Variants in ULK1 observed in about 807,000 individuals in gnomAD.
The protein encoded by ULK1 is serine/threonine-protein kinase ULK1.
ULK1 carries 48 observed loss-of-function variants against 117.5 expected under a neutral mutation model. The observed-to-expected ratio is 0.41, with a 90% CI of 0.32 to 0.52. ULK1 has a LOEUF of 0.52. Among genes scored for constraint, ULK1 ranks in the 20% least tolerant of loss-of-function variants. The pLI is 0.29. For synonymous variants in ULK1, 790 were observed against 637.8 expected, an observed-to-expected ratio of 1.24 and a Z score of -3.60; for missense variants, 1,387 against 1,473.4, an observed-to-expected ratio of 0.94 and a Z score of 0.96.
chr12:131,917,118 T>TGGGGCTCGGAGGCTGTGGGAC lies in ULK1; in HGVS notation c.2182+60_2182+61insCTCGGAGGCTGTGGGACGGGG, dbSNP rs1566126422. On this transcript the variant is annotated intron_variant, in intron 21 of 27. Coordinates refer to ENST00000321867, the MANE Select transcript of ULK1 (RefSeq NM_003565.4). ...GGGATGGGGGTCGGAGGCTGTGGGATGGGGGTCGGAGGCTGTGGGATGGGG... is the reference window on the plus strand; with the variant it reads ...GGGATGGGGGTCGGAGGCTGTGGGATGGGGCTCGGAGGCTGTGGGACGGGGGTCGGAGGCTGTGGGATGGGG... 161 of 268,212 alleles carry TGGGGCTCGGAGGCTGTGGGAC rather than the reference T, an allele frequency of 6.0e-4. 1 individual carries two copies. The highest frequency in any genetic ancestry group is 1.6e-3 in the South Asian group (25 of 15,646). The allele number at this position is 268,212 out of a possible 1,614,324, so 16.6% of individuals were successfully genotyped here.
Position 131,916,548 on chromosome 12 carries a change from C to T in ULK1, c.2029C>T (p.Pro677Ser), listed in dbSNP as rs1889795522. Residue 677 changes from proline to serine, a missense_variant, in exon 20 of 28, where the codon CCT becomes TCT. This residue lies in a region of ULK1 where 900 missense variants were observed against 858.9 expected (regional missense o/e 1.05). Coordinates refer to ENST00000321867, the MANE Select transcript of ULK1 (RefSeq NM_003565.4). ...VGPFHGQPLG[P>S]GLRPGEDPKG... is the part of the protein sequence containing the mutation. Reference sequence around the variant, plus strand: ...ACCCTTCCATGGTCAGCCGTTGGGCCCTGGCCTGCGGCCAGGCGAGGACCC... The same window carrying T: ...ACCCTTCCATGGTCAGCCGTTGGGCTCTGGCCTGCGGCCAGGCGAGGACCC... The T allele has an allele frequency of 1.2e-6, 2 of 1,605,860 alleles. No individual in the cohort carries two copies. Among genetic ancestry groups the T allele is most frequent in the African/African-American group, 1.3e-5 (1 of 74,560 alleles).
rs757273395 is a variant in ULK1, at chr12:131,917,522, C to A, written c.2294C>A (p.Pro765His). 6.9e-6 allele frequency: 10 copies of A among 1,449,064 alleles called. No individual in the cohort carries two copies. The highest frequency in any genetic ancestry group is 8.2e-6 in the Non-Finnish European group (9 of 1,097,144). 89.8% of individuals were successfully genotyped at this position (1,449,064 alleles called of 1,614,324 possible). A position where few individuals can be genotyped will look rare whatever the true frequency, so the allele number is the denominator to read the frequency against. Residue 765 changes from proline to histidine, a missense_variant, in exon 22 of 28, where the codon CCC becomes CAC. Physicochemically the swap from Pro to His is moderately conservative, Grantham distance 77. This residue lies in a region of ULK1 where 900 missense variants were observed against 858.9 expected (regional missense o/e 1.05). Transcript: ENST00000321867. ...TVGSPPSGST[P>H]PQGPRTRMFS... ...GGCTCTCCCCCGAGCGGGAGCACGC[C>A]CCCCCAGGGCCCCCGCACCAGGATG...
In ULK1 at chr12:131,911,810, C is replaced by T. The variant is rs543573063; in HGVS notation, c.949-132C>T. On this transcript the variant is annotated intron_variant, in intron 12 of 27. Coordinates refer to ENST00000321867, the MANE Select transcript of ULK1 (RefSeq NM_003565.4). The stretch of plus-strand genomic sequence containing the variant: ...GAAGAGCGGAGCACAGGAAGAAAGA[C>T]GTGCCCAGCCCTTCTCAGCCCCAGC... 55 of 1,265,546 alleles carry T rather than the reference C, an allele frequency of 4.3e-5. No individual in the cohort carries two copies. The East Asian group carries it at 4.5e-4, about 10-fold the overall frequency. 78.4% of individuals were successfully genotyped at this position (1,265,546 alleles called of 1,614,324 possible).
chr12:131,906,992 G>A, intron 4 of ULK1, 68 bp downstream of exon 4: 1 of 1,603,544 alleles, frequency 6.2e-7, no homozygotes, highest in Non-Finnish European at 8.5e-7. Context: ...CCACAGGGAG[G>A]GACATGGCTG....
At chr12:131,909,888 C>G (rs762254827) in intron 9 of ULK1, 31 bp from the exon 10 acceptor site, 144 of 1,611,046 alleles carry the variant, frequency 8.9e-5, no homozygotes, top group Admixed American at 1.2e-4. Flanking sequence ...GCCCCGCAGG[C>G]CCTGCTCACA....
chr12:131,919,338 G>T lies in ULK1; in HGVS notation c.2638G>T (p.Glu880Ter), dbSNP rs1249305644. The change falls in exon 24 of 28, where the codon GAG (glutamate) becomes TAG (stop). Residue 880 changes from glutamate (E) to a stop codon, truncating the protein, a stop_gained. Transcript: ENST00000321867. LOFTEE classifies it high-confidence loss of function. ...GGGGGGCCCTGAGTACCAGCTGCAGGAGAGTGTGGTGGCCGACCAGATCAG... is the reference window on the plus strand; with the variant it reads ...GGGGGGCCCTGAGTACCAGCTGCAGTAGAGTGTGGTGGCCGACCAGATCAG... ...AAGGPEYQLQ[E>*]SVVADQISLL... 2 of 1,568,012 alleles carry T rather than the reference G, an allele frequency of 1.3e-6. No individual in the cohort carries two copies. The highest frequency in any genetic ancestry group is 1.7e-6 in the Non-Finnish European group (2 of 1,156,908).
chr12:131,909,600 C>T (rs1291236596), intron 8 of ULK1, among the ~76,000 whole-genome samples, 175 bp from the exon 9 acceptor site: 1 of 152,146 alleles, frequency 6.6e-6, no homozygotes, highest in African/African-American at 2.4e-5. Flanking sequence ...GTCGGCGCCC[C>T]CTCCCCGCCC....
intron 4 of ULK1, 76 bp downstream of exon 4, chr12:131,907,000 CT>C: frequency 6.3e-7 from 1 of 1,595,088 alleles, no homozygotes; most frequent in Non-Finnish European, 8.6e-7. Context: ...AGGGACATGG[CT>C]GGGGGGAGGG....
In ULK1 at chr12:131,910,208, C is replaced by G. The variant is rs371156752; in HGVS notation, c.809-46C>G. 8 of 1,611,050 alleles carry G rather than the reference C, an allele frequency of 5.0e-6. No individual in the cohort carries two copies. The African/African-American group carries it at 9.3e-5, about 19-fold the overall frequency. ...CCGTGGGGAGGCAGGGGCCTGGGGT[C>G]AGAGCTGGGGTCCTCCTGAGGCCTC... is the stretch of plus-strand genomic sequence containing the variant. On this transcript the variant is annotated intron_variant, in intron 10 of 27. Transcript: ENST00000321867.
chr12:131,898,969 C>T (rs1383951266), intron 3 of ULK1, among the ~76,000 whole-genome samples: 1 of 151,176 alleles, frequency 6.6e-6, no homozygotes, highest in African/African-American at 2.4e-5. Flanking sequence ...ACCTCCACCT[C>T]CCTGGTTCAA....
chr12:131,915,421 G>C lies in ULK1; in HGVS notation c.1609G>C (p.Gly537Arg), dbSNP rs1233598408. The stretch of plus-strand genomic sequence containing the variant: ...GCGGGGTGGCAGGTCCCCTCGTCCA[G>C]GTGGGTGCAGTCCGGAGGGGGGAGG... ...EMRGGRSPRP[G>R]SSAPEHSPRT... Residue 537 changes from glycine (G) to arginine (R), a missense_variant and splice_region_variant, in exon 18 of 28, where the codon GGC becomes CGC. Coordinates refer to ENST00000321867, the MANE Select transcript of ULK1 (RefSeq NM_003565.4). 3.1e-6 allele frequency: 5 copies of C among 1,612,302 alleles called. No individual in the cohort carries two copies. Among genetic ancestry groups the C allele is most frequent in the Non-Finnish European group, 4.2e-6 (5 of 1,179,954 alleles).
rs1233207129 is a variant in ULK1, at chr12:131,916,445, G to C, written c.1926G>C (p.Leu642=). The C allele has an allele frequency of 3.7e-6, 6 of 1,609,280 alleles. No homozygotes were observed. Among genetic ancestry groups the C allele is most frequent in the Non-Finnish European group, 4.2e-6 (5 of 1,178,512 alleles). ...CGAAGACCCCCAGCTCCCAGAACCT[G>C]CTGGCCCTCCTAGCCCGGCAGGGCG... ...DFPKTPSSQN[L]LALLARQGVV... The change falls in exon 20 of 28, where the codon CTG becomes CTC. Residue 642 remains leucine (L), a synonymous_variant. Transcript: ENST00000321867.
At chr12:131,920,198 C>T (rs951309430) in intron 26 of ULK1, 62 bp downstream of exon 26, 54 of 1,570,766 alleles carry the variant, frequency 3.4e-5, no homozygotes, top group Non-Finnish European at 4.1e-5. Context: ...GCCGTCTCCA[C>T]TGGGACGGGA....
At position 131,902,819 on chromosome 12, in the gene ULK1, T is replaced by C. The variant is rs1889138530; in HGVS notation, c.247-4073T>C. On this transcript the variant is annotated intron_variant, in intron 3 of 27. Coordinates refer to ENST00000321867, the MANE Select transcript of ULK1 (RefSeq NM_003565.4). This position sits in a 1 kb window ranked among gnomAD's most constrained non-coding sequence, Gnocchi z 6.3. ...GGGAGGCGAGCTGCTCTGCCTGGGGTGGCCGGTTTCCTCCCCTGGAGCCCA... is the reference window on the plus strand; with the variant it reads ...GGGAGGCGAGCTGCTCTGCCTGGGGCGGCCGGTTTCCTCCCCTGGAGCCCA... Among the ~76,000 whole-genome samples, 1 of 152,024 alleles carries C rather than the reference T, an allele frequency of 6.6e-6. No individual in the cohort carries two copies. The highest frequency in any genetic ancestry group is 2.4e-5 in the African/African-American group (1 of 41,382).
At chr12:131,911,911 C>T (rs1435158424) in intron 12 of ULK1, 31 bp from the exon 13 acceptor site, 1 of 1,612,476 alleles carries the variant, frequency 6.2e-7, no homozygotes, top group African/African-American at 1.3e-5. Flanking sequence ...GTCCCTGAGA[C>T]CTGCTCACCA....
At chr12:131,916,292 C>T in intron 19 of ULK1, 106 bp from the exon 20 acceptor site, 1 of 1,506,154 alleles carries the variant, frequency 6.6e-7, no homozygotes, top group South Asian at 1.3e-5. Flanking sequence ...GCTCAGGCTG[C>T]TCCCACATGC....
At chr12:131,905,891 C>T (rs929316223) in intron 3 of ULK1, among the ~76,000 whole-genome samples, 22 of 152,098 alleles carry the variant, frequency 1.4e-4, no homozygotes, top group African/African-American at 4.3e-4. Flanking sequence ...GGTGGCACCC[C>T]CGGTCAGGTC....
At position 131,902,778 on chromosome 12, in the gene ULK1, C is replaced by T. The variant is rs751688119; in HGVS notation, c.247-4114C>T. 6.6e-6 allele frequency among the ~76,000 whole-genome samples: 1 copy of T among 152,056 alleles called. No individual in the cohort carries two copies. Among genetic ancestry groups the T allele is most frequent in the Non-Finnish European group, 1.5e-5 (1 of 68,006 alleles). On this transcript the variant is annotated intron_variant, in intron 3 of 27. Coordinates refer to ENST00000321867, the MANE Select transcript of ULK1 (RefSeq NM_003565.4). This position sits in a 1 kb window ranked among gnomAD's most constrained non-coding sequence, Gnocchi z 6.3. ...CTGTGTGTGTCACCACGGGACGGAC[C>T]CCCGGACCCTGTCTTGGGAGGCGAG...
rs151285621 is a variant in ULK1 at position 131,917,015 on chromosome 12, C to G, written c.2135C>G (p.Pro712Arg). The part of the protein sequence containing the change: ...LLKAAFGTQA[P>R]DPGSTESLQE... ...AAGGCGGCGTTTGGGACACAAGCCC[C>G]GGACCCGGGCAGCACGGAGAGCCTG... Residue 712 changes from proline to arginine, a missense_variant, in exon 21 of 28, where the codon CCG becomes CGG. By Grantham distance (103) the Pro-to-Arg change is moderately radical (BLOSUM62 -2). This residue lies in a region of ULK1 where 900 missense variants were observed against 858.9 expected (regional missense o/e 1.05). Coordinates refer to ENST00000321867, the MANE Select transcript of ULK1 (RefSeq NM_003565.4). The G allele has an allele frequency of 2.1e-6, 3 of 1,459,090 alleles. No individual in the cohort carries two copies. The highest frequency in any genetic ancestry group is 2.8e-6 in the Non-Finnish European group (3 of 1,083,174). 90.4% of individuals were successfully genotyped at this position (1,459,090 alleles called of 1,614,324 possible). A position where few individuals can be genotyped will look rare whatever the true frequency, so the allele number is the denominator to read the frequency against.
Sources: gnomAD v4.1 joint callset for allele counts (sites outside exome capture counted in the v4.1 genomes callset) on GRCh38, gnomAD v4.1.1 for gene constraint, gnomAD v4.1.1 regional missense constraint, Gnocchi (gnomAD v3.1) non-coding constraint, MANE v1.5 for transcripts, NCBI Gene and HGNC (gene_info 2026-07-23, HGNC 2026-07-21) for gene names.